The following PXDNL variants were observed in gnomAD, a reference collection of about 807,000 sequenced individuals.
PXDNL encodes peroxidasin like.
PXDNL carries 145 observed loss-of-function variants against 150.8 expected under a neutral mutation model. The observed-to-expected ratio is 0.96, with a 90% CI of 0.84 to 1.10. PXDNL has a LOEUF of 1.10. Among genes scored for constraint, PXDNL ranks in the 50% least tolerant of loss-of-function variants. PXDNL has a pLI of 0.00. For missense variants in PXDNL, 2,087 were observed against 1,873.9 expected, an observed-to-expected ratio of 1.11 and a Z score of -2.10; for synonymous variants, 757 against 725.7, an observed-to-expected ratio of 1.04 and a Z score of -0.69.
At chr8:51,702,853 C>T (rs976635488) in intron 1 of PXDNL, among the ~76,000 whole-genome samples, 4 of 152,012 alleles carry the variant, frequency 2.6e-5, no homozygotes, top group African/African-American at 7.3e-5. Context: ...TATATTGAAA[C>T]GCAGAAACAA....
intron 1 of PXDNL, among the ~76,000 whole-genome samples, chr8:51,681,576 G>T (rs1815751145): frequency 6.6e-6 from 1 of 152,204 alleles, no homozygotes; most frequent in African/African-American, 2.4e-5. Flanking sequence ...GTCACCCAGG[G>T]CCTGGCATGT....
chr8:51,387,319 T>C (rs1191893669), intron 17 of PXDNL, among the ~76,000 whole-genome samples: 1 of 152,198 alleles, frequency 6.6e-6, no homozygotes, highest in Middle Eastern at 3.2e-3. Flanking sequence ...TTAACTATGG[T>C]AATAGAGCCA....
At chr8:51,482,568 T>C (rs1173830937) in intron 6 of PXDNL, among the ~76,000 whole-genome samples, 1 of 152,178 alleles carries the variant, frequency 6.6e-6, no homozygotes, top group Non-Finnish European at 1.5e-5. Context: ...GGTTTGGCTG[T>C]GTCCCCACCC....
chr8:51,359,063 C>T (rs992327811), intron 19 of PXDNL, among the ~76,000 whole-genome samples: 2 of 152,094 alleles, frequency 1.3e-5, no homozygotes, highest in Non-Finnish European at 2.9e-5. Flanking sequence ...CTTTAGCCTA[C>T]GGGAGGCTGA....
intron 2 of PXDNL, among the ~76,000 whole-genome samples, chr8:51,652,799 T>C (rs1194234763): frequency 6.6e-6 from 1 of 152,248 alleles, no homozygotes; most frequent in Non-Finnish European, 1.5e-5. Context: ...ATTACTATTT[T>C]ATTACGGTTT....
At chr8:51,377,952 C>T (rs1017552685) in intron 17 of PXDNL, among the ~76,000 whole-genome samples, 53 of 152,270 alleles carry the variant, frequency 3.5e-4, no homozygotes, top group Admixed American at 6.5e-4. Flanking sequence ...CAGCCCCGTG[C>T]GGTATCCACT....
chr8:51,620,658 C>T (rs1814232173), intron 2 of PXDNL, among the ~76,000 whole-genome samples: 1 of 151,940 alleles, frequency 6.6e-6, no homozygotes, highest in Non-Finnish European at 1.5e-5. Flanking sequence ...ATTCTCCTGT[C>T]TCAACCTCTC....
At chr8:51,748,531 G>A (rs2037010697) in intron 1 of PXDNL, among the ~76,000 whole-genome samples, 1 of 152,204 alleles carries the variant, frequency 6.6e-6, no homozygotes, top group Non-Finnish European at 1.5e-5. Flanking sequence ...GTCCCAGCTG[G>A]AGCACAGCAT....
At chr8:51,675,964 C>T (rs1239060154) in intron 1 of PXDNL, among the ~76,000 whole-genome samples, 1 of 152,138 alleles carries the variant, frequency 6.6e-6, no homozygotes, top group East Asian at 1.9e-4. Flanking sequence ...ACATCTCTTA[C>T]AATTCTTATC....
At chr8:51,799,643 T>C (rs966460407) in intron 1 of PXDNL, among the ~76,000 whole-genome samples, 1 of 152,200 alleles carries the variant, frequency 6.6e-6, no homozygotes, top group African/African-American at 2.4e-5. Context: ...TTTTCAACTA[T>C]ACTTGTCTTT....
At chr8:51,658,271 G>C (rs977547914) in intron 1 of PXDNL, among the ~76,000 whole-genome samples, 4 of 147,446 alleles carry the variant, frequency 2.7e-5, no homozygotes, top group Non-Finnish European at 5.9e-5. Context: ...GGGCCCAGGA[G>C]GTAAAAGCTA....
At chr8:51,604,045 C>A (rs10087604) in intron 2 of PXDNL, among the ~76,000 whole-genome samples, 6,602 of 152,038 alleles carry the variant, frequency 0.043, 473 homozygotes, top group African/African-American at 0.15. Context: ...CTTTAAGAAA[C>A]CTTCCTCCAA....
chr8:51,628,683 G>A (rs962561060), intron 2 of PXDNL, among the ~76,000 whole-genome samples: 5 of 151,812 alleles, frequency 3.3e-5, no homozygotes, highest in South Asian at 2.1e-4. Context: ...GATTACAGAC[G>A]TGAGCCACCA....
At chr8:51,745,074 CTG>C (rs1247645180) in intron 1 of PXDNL, among the ~76,000 whole-genome samples, 1 of 151,992 alleles carries the variant, frequency 6.6e-6, no homozygotes, top group Non-Finnish European at 1.5e-5. Context: ...TGATATAATA[CTG>C]TTAGTTAATT....
In PXDNL at chr8:51,492,650, C is replaced by T. The variant is rs150021027; in HGVS notation, c.452+7049G>A. Among the ~76,000 whole-genome samples the T allele has an allele frequency of 7.4e-3, 1,120 of 152,270 alleles. 9 individuals are homozygous for T. The highest frequency in any genetic ancestry group is 0.011 in the Non-Finnish European group (734 of 68,012). Reference sequence around the variant, plus strand: ...AGGAGATTGTATCCCGCACCTGGCTCGGAGGGTCCTACGCCCACGGAGCCT... The same window carrying T: ...AGGAGATTGTATCCCGCACCTGGCTTGGAGGGTCCTACGCCCACGGAGCCT... On this transcript the variant is annotated intron_variant, in intron 5 of 22. Coordinates refer to ENST00000356297, the MANE Select transcript of PXDNL (RefSeq NM_144651.5).
At chr8:51,482,189 A>G (rs896565733) in intron 6 of PXDNL, among the ~76,000 whole-genome samples, 3 of 152,160 alleles carry the variant, frequency 2.0e-5, no homozygotes, top group East Asian at 1.9e-4. Flanking sequence ...TCTTCCATCA[A>G]TGTGACCTGG....
intron 8 of PXDNL, among the ~76,000 whole-genome samples, chr8:51,461,814 G>A (rs978460908): frequency 2.6e-5 from 4 of 152,168 alleles, no homozygotes; most frequent in Admixed American, 2.6e-4. Context: ...GACTTGGCAA[G>A]GAAGTATATC....
chr8:51,576,629 A>G (rs1813061347), intron 3 of PXDNL, among the ~76,000 whole-genome samples: 1 of 151,878 alleles, frequency 6.6e-6, no homozygotes, highest in African/African-American at 2.4e-5. Flanking sequence ...ACAAGAGCAA[A>G]ATGAACTCAA....
At chr8:51,323,813 G>A (rs1334937414) in intron 21 of PXDNL, among the ~76,000 whole-genome samples, 2 of 151,950 alleles carry the variant, frequency 1.3e-5, no homozygotes, top group Non-Finnish European at 2.9e-5. Context: ...CTACTCGGGA[G>A]GCTGAGGCAG....
Sources: allele counts gnomAD v4.1 joint callset (sites outside exome capture counted in the v4.1 genomes callset), GRCh38; gene constraint gnomAD v4.1.1; transcripts MANE v1.5; gene names NCBI Gene and HGNC (gene_info 2026-07-23, HGNC 2026-07-21).